Variants in RBFOX1 observed in about 807,000 individuals in gnomAD.
RBFOX1 encodes the protein RNA binding protein fox-1 homolog 1.
RBFOX1 carries 8 observed loss-of-function variants against 57.7 expected under a neutral mutation model. The ratio of observed to expected loss-of-function variants is 0.14; its 90% CI spans 0.08 to 0.25. The LOEUF is 0.25. RBFOX1 is among the 10% of genes least tolerant of loss of function. The probability of loss-of-function intolerance (pLI) is 1.00; values close to 1 mark genes in which losing one functional copy is unlikely to be tolerated. For missense variants in RBFOX1, 611 were observed against 548.5 expected, an observed-to-expected ratio of 1.11 and a Z score of -1.14; for synonymous variants, 326 against 222.4, an observed-to-expected ratio of 1.47 and a Z score of -4.15.
intron 4 of RBFOX1, among the ~76,000 whole-genome samples, chr16:7,490,630 A>T (rs1446778417): frequency 1.3e-5 from 2 of 152,216 alleles, no homozygotes; most frequent in African/African-American, 4.8e-5. Flanking sequence ...TACTTTGTGG[A>T]AGGAACCATG....
intron 3 of RBFOX1, among the ~76,000 whole-genome samples, chr16:6,882,300 C>G (rs2063110677): frequency 6.6e-6 from 1 of 152,174 alleles, no homozygotes; most frequent in Non-Finnish European, 1.5e-5. Flanking sequence ...AACCTGTGCA[C>G]TGGGTCTCAT....
chr16:6,927,414 CAA>C (rs1194663760), intron 3 of RBFOX1, among the ~76,000 whole-genome samples: 8 of 53,156 alleles, frequency 1.5e-4, no homozygotes, highest in East Asian at 1.2e-3. Flanking sequence ...CGCTTTCTCA[CAA>C]AAAAAAAAAA....
chr16:6,323,274 G>T (rs1305259466), intron 2 of RBFOX1, among the ~76,000 whole-genome samples: 1 of 152,130 alleles, frequency 6.6e-6, no homozygotes, highest in African/African-American at 2.4e-5. Flanking sequence ...GGAAGCCCAG[G>T]CAGCACCCCA....
chr16:5,831,028 C>T (rs1249800697), intron 3 of RBFOX1, among the ~76,000 whole-genome samples: 6 of 152,232 alleles, frequency 3.9e-5, no homozygotes, highest in South Asian at 2.1e-4. Flanking sequence ...CTTGCTAATG[C>T]GTTAGTTGGC....
intron 4 of RBFOX1, among the ~76,000 whole-genome samples, chr16:7,359,554 C>T (rs955432453): frequency 6.6e-6 from 1 of 152,222 alleles, no homozygotes; most frequent in African/African-American, 2.4e-5. Flanking sequence ...TGTGAATCAT[C>T]TGAAGTACCC....
chr16:6,737,591 G>A (rs559810549), intron 3 of RBFOX1, among the ~76,000 whole-genome samples: 12 of 152,210 alleles, frequency 7.9e-5, no homozygotes, highest in Middle Eastern at 3.4e-3. Context: ...GTGTTTTCTC[G>A]CCCGAGGCTC....
Position 7,591,106 on chromosome 16 carries a change from G to C in RBFOX1, c.468+3806G>C, listed in dbSNP as rs112211815. ...ACAGGCAGGCTGATATTGTGAGAAG[G>C]CTTCTGGAAAGAAGGAACATTTAAG... On this transcript the variant is annotated intron_variant, in intron 7 of 15. Transcript: ENST00000550418. Among the ~76,000 whole-genome samples, 368 of 152,230 alleles carry C rather than the reference G, an allele frequency of 2.4e-3. 6 individuals are homozygous for C. The highest frequency in any genetic ancestry group is 8.4e-3 in the African/African-American group (349 of 41,560).
At chr16:6,617,249 TG>T (rs2098156371) in intron 2 of RBFOX1, among the ~76,000 whole-genome samples, 2 of 151,858 alleles carry the variant, frequency 1.3e-5, no homozygotes, top group African/African-American at 4.8e-5. Context: ...ATCAATTACA[TG>T]AAGCAAATAT....
intron 1 of RBFOX1, among the ~76,000 whole-genome samples, chr16:6,204,541 T>A (rs1744131123): frequency 6.6e-6 from 1 of 152,184 alleles, no homozygotes; most frequent in South Asian, 2.1e-4. Flanking sequence ...TTGGAACTAA[T>A]GTTCTAGGGA....
chr16:6,056,856 T>TTTC (rs1596780233), intron 1 of RBFOX1: 2 of 151,756 alleles, frequency 1.3e-5, no homozygotes, highest in East Asian at 3.9e-4. Context: ...TTTTTTTTTT[T>TTTC]CTTTTTTACT....
chr16:6,477,747 C>A (rs1036380724), intron 2 of RBFOX1, among the ~76,000 whole-genome samples: 1 of 152,156 alleles, frequency 6.6e-6, no homozygotes, highest in Non-Finnish European at 1.5e-5. Flanking sequence ...GTTATAGATA[C>A]CATCTTCTTC....
At chr16:5,376,911 GCGTTGGCAGTCTCTT>G (rs57914480) in intron 1 of RBFOX1, among the ~76,000 whole-genome samples, 31,924 of 151,480 alleles carry the variant, frequency 0.21, 3,904 homozygotes, top group African/African-American at 0.24. Flanking sequence ...CCTGTTGCCT[GCGTTGGCAGTCTCTT>G]CATAGCACAC....
intron 3 of RBFOX1, among the ~76,000 whole-genome samples, chr16:5,709,109 T>C (rs895413719): frequency 4.6e-5 from 7 of 152,238 alleles, no homozygotes; most frequent in South Asian, 2.1e-4. Flanking sequence ...CTTGCTAATG[T>C]TGAGTTTCTG....
intron 4 of RBFOX1, among the ~76,000 whole-genome samples, chr16:7,494,319 G>A (rs2067885079): frequency 6.6e-6 from 1 of 152,080 alleles, no homozygotes; most frequent in African/African-American, 2.4e-5. Context: ...GCGCCCTTTG[G>A]GGAGACCATC....
chr16:5,714,434 C>T (rs1567437148), intron 3 of RBFOX1, among the ~76,000 whole-genome samples: 1 of 152,172 alleles, frequency 6.6e-6, no homozygotes, highest in Non-Finnish European at 1.5e-5. Flanking sequence ...GAGACGTGCC[C>T]AGCTGAAGCT....
At chr16:6,816,496 C>G (rs991268891) in intron 3 of RBFOX1, among the ~76,000 whole-genome samples, 12 of 149,362 alleles carry the variant, frequency 8.0e-5, no homozygotes, top group South Asian at 2.1e-4. Context: ...AATCTCAGTA[C>G]TTTGGGAAGC....
At chr16:6,603,355 C>T (rs1284628496) in intron 2 of RBFOX1, among the ~76,000 whole-genome samples, 2 of 152,134 alleles carry the variant, frequency 1.3e-5, no homozygotes, top group East Asian at 3.9e-4. Context: ...TTGATGTATA[C>T]AACTAAAGGA....
intron 1 of RBFOX1, among the ~76,000 whole-genome samples, chr16:6,216,916 G>T (rs770390806): frequency 6.6e-6 from 1 of 151,574 alleles, no homozygotes; most frequent in Non-Finnish European, 1.5e-5. Flanking sequence ...TTGATAATCA[G>T]GCTGGTCTTC....
intron 1 of RBFOX1, among the ~76,000 whole-genome samples, chr16:6,311,201 C>T (rs555674449): frequency 4.6e-4 from 66 of 144,040 alleles, no homozygotes; most frequent in African/African-American, 1.5e-3. Flanking sequence ...GTGGCTGAGG[C>T]AGAAGAATCT....
Sources: allele counts gnomAD v4.1 joint callset (sites outside exome capture counted in the v4.1 genomes callset), GRCh38; gene constraint gnomAD v4.1.1; transcripts MANE v1.5; gene names NCBI Gene and HGNC (gene_info 2026-07-23, HGNC 2026-07-21).